The following AHI1 variants were observed in gnomAD, a reference collection of about 807,000 sequenced individuals.
AHI1 encodes Abelson helper integration site 1, also known as jouberin.
A neutral mutation model predicts 149.3 loss-of-function variants in AHI1; 123 were observed. That is an observed-to-expected ratio of 0.82 (90% CI 0.71 to 0.96). The LOEUF is 0.96. Ranked by LOEUF, AHI1 falls within the 40% of genes least tolerant of loss-of-function variation. The pLI is 0.00. For synonymous variants in AHI1, 475 were observed against 459.8 expected, an observed-to-expected ratio of 1.03 and a Z score of -0.42; for missense variants, 1,439 against 1,422.7, an observed-to-expected ratio of 1.01 and a Z score of -0.18.
intron 6 of AHI1, among the ~76,000 whole-genome samples, chr6:135,466,675 T>C (rs1332709896): frequency 7.7e-6 from 1 of 129,116 alleles, no homozygotes; most frequent in African/African-American, 2.8e-5. Flanking sequence ...ATTTTCCTCA[T>C]ACATATTTTC....
At chr6:135,490,527 T>C in intron 5 of AHI1, 96 bp downstream of exon 5, 1 of 1,462,204 alleles carries the variant, frequency 6.8e-7, no homozygotes, top group East Asian at 2.3e-5. Flanking sequence ...CTGTTTTTAA[T>C]TTTCAAAATT....
chr6:135,487,677 C>T (rs1222683487), intron 5 of AHI1, among the ~76,000 whole-genome samples: 1 of 152,102 alleles, frequency 6.6e-6, no homozygotes, highest in Non-Finnish European at 1.5e-5. Context: ...ATGTTGGGAA[C>T]ATAAATCTTC....
chr6:135,391,292 A>G (rs892280362), intron 23 of AHI1, among the ~76,000 whole-genome samples: 2 of 152,212 alleles, frequency 1.3e-5, no homozygotes, highest in African/African-American at 4.8e-5. Context: ...ACCAGGGACC[A>G]GGTTCATGGA....
chr6:135,301,521 C>T, intron 26 of AHI1: 1 of 985,434 alleles, frequency 1.0e-6, no homozygotes. Context: ...GATCATTCTT[C>T]AGCAAGATTT....
intron 5 of AHI1, among the ~76,000 whole-genome samples, chr6:135,478,429 T>C (rs958286396): frequency 4.6e-5 from 7 of 152,204 alleles, no homozygotes; most frequent in Non-Finnish European, 1.0e-4. Flanking sequence ...GGCGGCACTG[T>C]GACCCTGCTC....
At chr6:135,429,022 A>C (rs756968387) in intron 18 of AHI1, among the ~76,000 whole-genome samples, 9 of 151,826 alleles carry the variant, frequency 5.9e-5, no homozygotes, top group Admixed American at 2.6e-4. Context: ...TGCAAAAGAA[A>C]AACAGAAGAG....
chr6:135,440,291 G>A (rs1210447774), intron 14 of AHI1, among the ~76,000 whole-genome samples: 1 of 152,078 alleles, frequency 6.6e-6, no homozygotes, highest in East Asian at 1.9e-4. Context: ...ACCCTAAGGT[G>A]CATGTCAAAA....
chr6:135,427,414 T>C, intron 19 of AHI1, 107 bp from the exon 20 acceptor site: 1 of 948,722 alleles, frequency 1.1e-6, no homozygotes, highest in Non-Finnish European at 1.5e-6. Context: ...ATAGCAATGA[T>C]GCTCACATTA....
At chr6:135,302,148 T>C (rs1783957647) in intron 26 of AHI1, 1 of 985,264 alleles carries the variant, frequency 1.0e-6, no homozygotes, top group Non-Finnish European at 1.2e-6. Flanking sequence ...TGCGCCTCCA[T>C]GTCCAGCTAT....
intron 5 of AHI1, among the ~76,000 whole-genome samples, chr6:135,468,581 G>A (rs1484364906): frequency 6.6e-6 from 1 of 152,080 alleles, no homozygotes; most frequent in Non-Finnish European, 1.5e-5. Flanking sequence ...GTGCACACCT[G>A]TAATCTCAGC....
intron 25 of AHI1, among the ~76,000 whole-genome samples, chr6:135,320,816 A>G (rs965459398): frequency 1.3e-5 from 2 of 152,194 alleles, no homozygotes; most frequent in African/African-American, 4.8e-5. Flanking sequence ...AGTGACTACC[A>G]TTGTGCCAGC....
At position 135,429,909 on chromosome 6, in the gene AHI1, C is replaced by T. The variant is rs1447364125; in HGVS notation, c.2465G>A (p.Ser822Asn). 5.1e-6 allele frequency: 8 copies of T among 1,581,422 alleles called. No individual in the cohort carries two copies. The highest frequency in any genetic ancestry group is 6.9e-6 in the Non-Finnish European group (8 of 1,158,820). ...CCGGAGATCCATAATTCTCAAAGTACTGTCTTTGGTATGGATTAACAAACG... is the reference window on the plus strand; with the variant it reads ...CCGGAGATCCATAATTCTCAAAGTATTGTCTTTGGTATGGATTAACAAACG... ...GKRLLIHTKD[S>N]TLRIMDLRIL... Residue 822 changes from serine (S) to asparagine (N), a missense_variant, in exon 18 of 29, where the codon AGT becomes AAT. Physicochemically the swap from Ser to Asn is conservative, Grantham distance 46. Transcript: ENST00000265602.
chr6:135,422,364 G>A (rs950535734), intron 20 of AHI1, among the ~76,000 whole-genome samples: 18 of 151,910 alleles, frequency 1.2e-4, no homozygotes, highest in African/African-American at 3.9e-4. Context: ...ATACACACAC[G>A]AAATTAGTCG....
intron 20 of AHI1, among the ~76,000 whole-genome samples, chr6:135,415,941 T>C (rs1241352749): frequency 6.6e-6 from 1 of 152,152 alleles, no homozygotes; most frequent in Non-Finnish European, 1.5e-5. Flanking sequence ...TTATATACAA[T>C]TCTGGAAAAT....
At chr6:135,329,622 TACA>T (rs754902827) in intron 24 of AHI1, among the ~76,000 whole-genome samples, 2 of 152,224 alleles carry the variant, frequency 1.3e-5, no homozygotes, top group African/African-American at 2.4e-5. Flanking sequence ...TCATGCCAGC[TACA>T]ACAACAACCA....
At chr6:135,475,926 CTT>C (rs1256021012) in intron 5 of AHI1, among the ~76,000 whole-genome samples, 1 of 152,134 alleles carries the variant, frequency 6.6e-6, no homozygotes, top group East Asian at 1.9e-4. Flanking sequence ...TTTTATTACT[CTT>C]TTAAAAAATT....
intron 17 of AHI1, 113 bp downstream of exon 17, chr6:135,431,095 T>A: frequency 4.5e-6 from 3 of 666,042 alleles, no homozygotes; most frequent in East Asian, 2.9e-5. Flanking sequence ...GAAAAACTGT[T>A]AATTTTTTGA....
intron 11 of AHI1, among the ~76,000 whole-genome samples, chr6:135,449,728 T>TGTC (rs1787805311): frequency 6.6e-6 from 1 of 152,212 alleles, no homozygotes. Context: ...AAGATAGTAT[T>TGTC]GTCCAAGAGA....
chr6:135,327,660 C>G (rs943171979), intron 24 of AHI1, among the ~76,000 whole-genome samples: 6 of 152,128 alleles, frequency 3.9e-5, no homozygotes, highest in African/African-American at 1.2e-4. Flanking sequence ...CTCCTTTTAC[C>G]TGCCCCAAGG....
Sources: gnomAD v4.1 joint callset for allele counts (sites outside exome capture counted in the v4.1 genomes callset) on GRCh38, gnomAD v4.1.1 for gene constraint, MANE v1.5 for transcripts, NCBI Gene and HGNC (gene_info 2026-07-23, HGNC 2026-07-21) for gene names.